GTPBP1: variants seen among roughly 807,000 people sequenced by gnomAD.
GTPBP1 encodes the protein GTP-binding protein 1.
GTPBP1 carries 23 observed loss-of-function variants against 62.0 expected under a neutral mutation model. That is an observed-to-expected ratio of 0.37 (90% confidence interval 0.27 to 0.53). The LOEUF (loss-of-function observed/expected upper bound fraction) is 0.53, where lower values mean the gene tolerates loss of function less well. GTPBP1 is among the 20% of genes least tolerant of loss of function. GTPBP1 has a pLI of 0.89. For synonymous variants in GTPBP1, 344 were observed against 364.4 expected (o/e 0.94, Z 0.64); for missense variants, 640 against 917.3 (o/e 0.70, Z 3.90).
At chr22:38,739,713 G>C, downstream of GTPBP1, 1 of 1,612,358 alleles carries the variant, frequency 6.2e-7, no homozygotes, top group Non-Finnish European at 8.5e-7. The surrounding 1 kb of genome is among the most constrained non-coding windows in gnomAD (Gnocchi z 6.7). Flanking sequence ...AGGGGCATGT[G>C]GGCCTCACCT....
downstream of GTPBP1, chr22:38,738,785 G>A (rs186926830): frequency 6.2e-7 from 1 of 1,608,482 alleles, no homozygotes; most frequent in African/African-American, 1.3e-5. The surrounding 1 kb of genome is among the most constrained non-coding windows in gnomAD (Gnocchi z 6.6). Flanking sequence ...GTCAGGACAG[G>A]GCCCTGAGTC....
In GTPBP1 at chr22:38,726,521, A is replaced by G; in HGVS notation, c.1401+81A>G. On this transcript the variant is annotated intron_variant, in intron 8 of 11. Transcript: ENST00000216044. The surrounding 1 kb of genome is among the most constrained non-coding windows in gnomAD (Gnocchi z 4.1). ...GCCAGATGCCCTGCTCACCCACTCTAGTCCTCATGGCTGCTCTGCAAGGTC... is the reference window on the plus strand; with the variant it reads ...GCCAGATGCCCTGCTCACCCACTCTGGTCCTCATGGCTGCTCTGCAAGGTC... 1 of 1,196,106 alleles carries G rather than the reference A, an allele frequency of 8.4e-7. No individual in the cohort carries two copies. The highest frequency in any genetic ancestry group is 1.2e-6 in the Non-Finnish European group (1 of 818,510). 74.1% of individuals were successfully genotyped at this position (1,196,106 alleles called of 1,614,324 possible).
downstream of GTPBP1, chr22:38,739,044 A>G (rs1354379433): frequency 4.6e-6 from 7 of 1,523,848 alleles, no homozygotes; most frequent in African/African-American, 8.2e-5. This position sits in a 1 kb window ranked among gnomAD's most constrained non-coding sequence, Gnocchi z 6.7. Flanking sequence ...GGCCCCGCTC[A>G]GGCCATTGGC....
At chr22:38,738,575 A>G (rs946247999), downstream of GTPBP1, 2 of 1,610,938 alleles carry the variant, frequency 1.2e-6, no homozygotes, top group African/African-American at 2.7e-5. This position sits in a 1 kb window ranked among gnomAD's most constrained non-coding sequence, Gnocchi z 6.6. Context: ...CCACCACAGG[A>G]CAGATACTCA....
At chr22:38,708,632 T>A (rs894022372) in intron 1 of GTPBP1, among the ~76,000 whole-genome samples, 9 of 152,188 alleles carry the variant, frequency 5.9e-5, no homozygotes, top group African/African-American at 2.2e-4. Context: ...GGCTCAGACA[T>A]ACACATTGTA....
intron 2 of GTPBP1, 75 bp from the exon 3 acceptor site, chr22:38,715,832 G>C: frequency 7.8e-7 from 1 of 1,282,912 alleles, no homozygotes; most frequent in Middle Eastern, 2.0e-4. Flanking sequence ...GTTAGGTGGG[G>C]TTCCTGGCTG....
intron 4 of GTPBP1, among the ~76,000 whole-genome samples, chr22:38,718,873 A>C (rs1162156548): frequency 1.3e-5 from 2 of 152,260 alleles, no homozygotes; most frequent in African/African-American, 4.8e-5. Flanking sequence ...CTCCAATTTT[A>C]AACATTCAGA....
downstream of GTPBP1, chr22:38,735,170 C>T (rs1354512291): frequency 2.2e-6 from 1 of 444,544 alleles, no homozygotes; most frequent in South Asian, 1.6e-5. Flanking sequence ...CCTTCCCTAT[C>T]CAGGGTAACT....
chr22:38,739,424 C>G (rs1166048110), downstream of GTPBP1: 1 of 1,612,858 alleles, frequency 6.2e-7, no homozygotes, highest in Non-Finnish European at 8.5e-7. This position sits in a 1 kb window ranked among gnomAD's most constrained non-coding sequence, Gnocchi z 6.7. Context: ...TGTGGTGCAC[C>G]TGCTGCAATG....
Position 38,726,752 on chromosome 22 carries a change from G to A in GTPBP1, c.1401+312G>A, listed in dbSNP as rs2092728905. 6.6e-6 allele frequency among the ~76,000 whole-genome samples: 1 copy of A among 152,144 alleles called. No homozygotes were observed. Among genetic ancestry groups the A allele is most frequent in the South Asian group, 2.1e-4 (1 of 4,836 alleles). ...TGCTGTGCAAGGATCCTTCTACATAGGACCATTGGGATCTGCGCCACATCC... is the reference window on the plus strand; with the variant it reads ...TGCTGTGCAAGGATCCTTCTACATAAGACCATTGGGATCTGCGCCACATCC... On this transcript the variant is annotated intron_variant, in intron 8 of 11. Coordinates refer to ENST00000216044, the MANE Select transcript of GTPBP1 (RefSeq NM_004286.5). The surrounding 1 kb of genome is among the most constrained non-coding windows in gnomAD (Gnocchi z 4.1).
rs367598699 is a variant in GTPBP1, at chr22:38,729,523, C to T, written c.1778C>T (p.Ser593Leu). The T allele has an allele frequency of 2.2e-5, 35 of 1,609,018 alleles. No homozygotes were observed. Among genetic ancestry groups the T allele is most frequent in the African/African-American group, 5.4e-5 (4 of 74,512 alleles). The change falls in exon 11 of 12, where the codon TCG becomes TTG. Residue 593 changes from serine (S) to leucine (L), a missense_variant. Ser to Leu is a moderately radical substitution (Grantham distance 145). Transcript: ENST00000216044. ...AAGCCGCAGCAGATTAAAATGCAGT[C>T]GACGAAAAAGGGCCCCCTGACGAAA... is the stretch of plus-strand genomic sequence containing the variant. ...NSKPQQIKMQ[S>L]TKKGPLTKRD...
At chr22:38,722,637 A>T in intron 5 of GTPBP1, 1 of 1,422,036 alleles carries the variant, frequency 7.0e-7, no homozygotes, top group Non-Finnish European at 9.5e-7. Flanking sequence ...TACAAGCATA[A>T]TTGGTTCCTT....
chr22:38,724,199 C>G (rs1488267093), intron 5 of GTPBP1, 98 bp from the exon 6 acceptor site: 1 of 724,350 alleles, frequency 1.4e-6, no homozygotes, highest in Non-Finnish European at 2.5e-6. Flanking sequence ...CTGTCTGTCT[C>G]CTGCTTGCAT....
chr22:38,708,779 T>C, intron 1 of GTPBP1, 66 bp from the exon 2 acceptor site: 3 of 891,512 alleles, frequency 3.4e-6, no homozygotes, highest in Non-Finnish European at 5.8e-6. Context: ...TAGGCTATAT[T>C]GATCAGCTTT....
chr22:38,710,501 A>G (rs140270806), intron 2 of GTPBP1, among the ~76,000 whole-genome samples: 310 of 152,222 alleles, frequency 2.0e-3, no homozygotes, highest in Middle Eastern at 6.8e-3. Context: ...TGCGGGTCTT[A>G]CCACCTAAAG....
downstream of GTPBP1, chr22:38,736,607 G>T: frequency 2.6e-6 from 1 of 388,276 alleles, no homozygotes; most frequent in Non-Finnish European, 4.6e-6. Flanking sequence ...TCTGAAACCG[G>T]AATGAATTCA....
rs371872930 is a variant in GTPBP1 at position 38,716,624 on chromosome 22, A to C, written c.486-28A>C. 99 of 1,506,564 alleles carry C rather than the reference A, an allele frequency of 6.6e-5. No individual in the cohort carries two copies. The African/African-American group carries it at 1.3e-3, about 19-fold the overall frequency. The allele number at this position is 1,506,564 out of a possible 1,614,324, so 93.3% of individuals were successfully genotyped here. A position where few individuals can be genotyped will look rare whatever the true frequency, so the allele number is the denominator to read the frequency against. Reference sequence around the variant, plus strand: ...ACCTCACTCATTCACTAACTCTCACATAGATGTATGGGTTCATCTACACGC... The same window carrying C: ...ACCTCACTCATTCACTAACTCTCACCTAGATGTATGGGTTCATCTACACGC... On this transcript the variant is annotated intron_variant, in intron 3 of 11. Coordinates refer to ENST00000216044, the MANE Select transcript of GTPBP1 (RefSeq NM_004286.5). This position sits in a 1 kb window ranked among gnomAD's most constrained non-coding sequence, Gnocchi z 5.2.
rs2092602479 is a variant in GTPBP1, at chr22:38,706,099, G to C, written c.144G>C (p.Glu48Asp). 2 of 1,315,766 alleles carry C rather than the reference G, an allele frequency of 1.5e-6. No homozygotes were observed. Among genetic ancestry groups the C allele is most frequent in the East Asian group, 6.3e-5 (2 of 32,000 alleles). The allele number at this position is 1,315,766 out of a possible 1,614,324, so 81.5% of individuals were successfully genotyped here. A position where few individuals can be genotyped will look rare whatever the true frequency, so the allele number is the denominator to read the frequency against. Reference sequence around the variant, plus strand: ...GCGGCTTTGACTCGGACTGCAGCGAGGACGGCGAGGCGCTCAACGGCGAGC... The same window carrying C: ...GCGGCTTTGACTCGGACTGCAGCGACGACGGCGAGGCGCTCAACGGCGAGC... ...LHGGFDSDCS[E>D]DGEALNGEPE... Residue 48 changes from glutamate to aspartate, a missense_variant, in exon 1 of 12, where the codon GAG becomes GAC. Glu to Asp is a conservative substitution (Grantham distance 45). This residue lies in a region of GTPBP1 where 215 missense variants were observed against 235.1 expected (regional missense o/e 0.91). Coordinates refer to ENST00000216044, the MANE Select transcript of GTPBP1 (RefSeq NM_004286.5).
chr22:38,739,243 G>C, downstream of GTPBP1: 1 of 1,339,884 alleles, frequency 7.5e-7, no homozygotes, highest in East Asian at 2.3e-5. The surrounding 1 kb of genome is among the most constrained non-coding windows in gnomAD (Gnocchi z 6.7). Context: ...CTGATCCTGA[G>C]CTTTGCTTGC....
Sources: gnomAD v4.1 joint callset for allele counts (sites outside exome capture counted in the v4.1 genomes callset) on GRCh38, gnomAD v4.1.1 for gene constraint, gnomAD v4.1.1 regional missense constraint, Gnocchi (gnomAD v3.1) non-coding constraint, MANE v1.5 for transcripts, NCBI Gene and HGNC (gene_info 2026-07-23, HGNC 2026-07-21) for gene names.